The following HCRTR2 variants were observed in gnomAD, a reference collection of about 807,000 sequenced individuals.
The protein encoded by HCRTR2 is orexin receptor type 2.
HCRTR2 carries 22 observed loss-of-function variants against 49.0 expected under a neutral mutation model. The ratio of observed to expected loss-of-function variants is 0.45; its 90% confidence interval spans 0.32 to 0.64. HCRTR2 has a LOEUF of 0.64. Ranked by LOEUF, HCRTR2 falls within the 30% of genes least tolerant of loss-of-function variation. The pLI, the probability that HCRTR2 is intolerant of heterozygous loss-of-function variation, is 0.04. For missense variants in HCRTR2, 491 were observed against 559.4 expected, an observed-to-expected ratio of 0.88 and a Z score of 1.23; for synonymous variants, 236 against 205.3, an observed-to-expected ratio of 1.15 and a Z score of -1.28.
At chr6:55,137,813 C>G (rs973599283) in intron 1 of HCRTR2, among the ~76,000 whole-genome samples, 2 of 152,178 alleles carry the variant, frequency 1.3e-5, no homozygotes, top group African/African-American at 4.8e-5. Flanking sequence ...TGAAAGCACT[C>G]TCTAGGCTGT....
At chr6:55,212,769 T>A (rs1765719456) in intron 1 of HCRTR2, among the ~76,000 whole-genome samples, 1 of 152,204 alleles carries the variant, frequency 6.6e-6, no homozygotes, top group African/African-American at 2.4e-5. Context: ...AGTGTCTTTG[T>A]GGTTTAAGCT....
At chr6:55,130,882 G>A (rs1764346688) in intron 1 of HCRTR2, among the ~76,000 whole-genome samples, 1 of 151,764 alleles carries the variant, frequency 6.6e-6, no homozygotes, top group African/African-American at 2.4e-5. Context: ...TCTCTGGCTT[G>A]GGCAAATCTT....
intron 1 of HCRTR2, among the ~76,000 whole-genome samples, chr6:55,208,384 C>T (rs183148518): frequency 6.7e-6 from 1 of 150,326 alleles, no homozygotes; most frequent in African/African-American, 2.5e-5. Flanking sequence ...GCCAGCTACT[C>T]GGGAGGCTGA....
chr6:55,272,177 T>G (rs938402519), intron 4 of HCRTR2, among the ~76,000 whole-genome samples: 1 of 152,232 alleles, frequency 6.6e-6, no homozygotes, highest in East Asian at 1.9e-4. Flanking sequence ...ATTATTCAGC[T>G]ACTAAAAGAA....
chr6:55,164,000 G>T (rs113413363), intron 1 of HCRTR2, among the ~76,000 whole-genome samples: 4 of 152,134 alleles, frequency 2.6e-5, no homozygotes, highest in African/African-American at 9.7e-5. Context: ...AGACATTTAT[G>T]TGGCCAAGAA....
At position 55,201,844 on chromosome 6, in the gene HCRTR2, A is replaced by C. The variant is rs533668600; in HGVS notation, c.223+27034A>C. Among the ~76,000 whole-genome samples the C allele has an allele frequency of 2.2e-4, 34 of 152,290 alleles. No homozygotes were observed. The South Asian group carries it at 3.9e-3, about 18-fold the overall frequency. Reference sequence around the variant, plus strand: ...ACTCAGATTTTATAGCAAGTAAGAAAAGTTAAGTCAGAAGCATATACTATT... The same window carrying C: ...ACTCAGATTTTATAGCAAGTAAGAACAGTTAAGTCAGAAGCATATACTATT... On this transcript the variant is annotated intron_variant, in intron 1 of 6. Transcript: ENST00000370862.
chr6:55,174,422 G>C (rs1184694531), upstream of HCRTR2: 1 of 680,772 alleles, frequency 1.5e-6, no homozygotes, highest in Admixed American at 2.1e-5. Context: ...GAAGTTGCCC[G>C]GCAGAAGACT....
intron 2 of HCRTR2, among the ~76,000 whole-genome samples, chr6:55,253,581 C>G (rs1478636801): frequency 6.6e-6 from 1 of 152,036 alleles, no homozygotes; most frequent in Non-Finnish European, 1.5e-5. Flanking sequence ...TGCAAGTATA[C>G]GTTCACTGCA....
chr6:55,174,850 C>T (rs1000363903), intron 1 of HCRTR2, 40 bp downstream of exon 1: 3 of 1,516,446 alleles, frequency 2.0e-6, no homozygotes, highest in Non-Finnish European at 2.7e-6. Flanking sequence ...GGGCTATCAC[C>T]CCCTCTCCGC....
intron 3 of HCRTR2, among the ~76,000 whole-genome samples, chr6:55,261,366 A>T (rs1408877970): frequency 6.6e-6 from 1 of 152,186 alleles, no homozygotes; most frequent in African/African-American, 2.4e-5. Context: ...AATCAGGGAA[A>T]TGCAAATCAA....
chr6:55,276,848 T>C (rs1767085552), intron 4 of HCRTR2, among the ~76,000 whole-genome samples: 1 of 152,242 alleles, frequency 6.6e-6, no homozygotes, highest in African/African-American at 2.4e-5. Context: ...TTTTTAAAAA[T>C]ATCCTTTCAT....
intron 1 of HCRTR2, among the ~76,000 whole-genome samples, chr6:55,239,213 C>T (rs916604776): frequency 1.3e-5 from 2 of 152,192 alleles, no homozygotes; most frequent in Non-Finnish European, 2.9e-5. Context: ...TCTTCCTAAC[C>T]TTTTCCTCAG....
chr6:55,188,216 C>G (rs751707898), intron 1 of HCRTR2, among the ~76,000 whole-genome samples: 7 of 152,314 alleles, frequency 4.6e-5, no homozygotes, highest in South Asian at 2.1e-4. Context: ...TTCTGGTAAA[C>G]TTAACCAAAA....
At chr6:55,184,274 A>T (rs1765180938) in intron 1 of HCRTR2, among the ~76,000 whole-genome samples, 1 of 152,194 alleles carries the variant, frequency 6.6e-6, no homozygotes, top group Non-Finnish European at 1.5e-5. Flanking sequence ...CTTGGAACAT[A>T]TATGTATGAA....
At chr6:55,274,156 C>G (rs896591720) in intron 4 of HCRTR2, among the ~76,000 whole-genome samples, 3 of 149,840 alleles carry the variant, frequency 2.0e-5, no homozygotes, top group South Asian at 2.1e-4. Flanking sequence ...ATTAACAATA[C>G]TAAGCCTTTT....
chr6:55,262,784 A>C (rs1363859248), intron 3 of HCRTR2, among the ~76,000 whole-genome samples: 2 of 140,090 alleles, frequency 1.4e-5, no homozygotes, highest in Admixed American at 1.5e-4. Flanking sequence ...ATATATATAT[A>C]TATCTTCTAG....
At chr6:55,239,772 ATTT>A (rs35160150) in intron 1 of HCRTR2, among the ~76,000 whole-genome samples, 4 of 121,346 alleles carry the variant, frequency 3.3e-5, no homozygotes, top group Admixed American at 8.6e-5. Flanking sequence ...TAGGCGGTAA[ATTT>A]TTTTTTTTTT....
intron 1 of HCRTR2, among the ~76,000 whole-genome samples, chr6:55,238,032 A>G (rs937786191): frequency 3.3e-5 from 5 of 152,194 alleles, no homozygotes; most frequent in Non-Finnish European, 7.3e-5. Flanking sequence ...ATGTAAAGAA[A>G]TTATATCCCC....
chr6:55,242,039 T>C (rs1008772494), intron 1 of HCRTR2, among the ~76,000 whole-genome samples: 1 of 151,646 alleles, frequency 6.6e-6, no homozygotes, highest in Non-Finnish European at 1.5e-5. Context: ...CAGCTAATTT[T>C]TGTATTTTTT....
Sources: allele counts gnomAD v4.1 joint callset (sites outside exome capture counted in the v4.1 genomes callset), GRCh38; gene constraint gnomAD v4.1.1; transcripts MANE v1.5; gene names NCBI Gene and HGNC (gene_info 2026-07-23, HGNC 2026-07-21).